Variants in CD58 observed in about 807,000 individuals in gnomAD.
The protein encoded by CD58 is CD58 molecule.
CD58 carries 14 observed loss-of-function variants against 27.6 expected under a neutral mutation model. That is an observed-to-expected ratio of 0.51 (90% CI 0.34 to 0.79). The LOEUF (loss-of-function observed/expected upper bound fraction) is 0.79, where lower values mean the gene tolerates loss of function less well. CD58 is among the 30% of genes least tolerant of loss of function. CD58 has a pLI of 0.02. For missense variants in CD58, 268 were observed against 301.7 expected (o/e 0.89, Z 0.83); for synonymous variants, 117 against 103.8 (o/e 1.13, Z -0.77).
In CD58 at chr1:116,552,720, C is replaced by A. The variant is rs777765358; in HGVS notation, c.71-8116G>T. 6.6e-5 allele frequency among the ~76,000 whole-genome samples: 10 copies of A among 152,192 alleles called. No individual in the cohort carries two copies. Among genetic ancestry groups the A allele is most frequent in the Non-Finnish European group, 8.8e-5 (6 of 68,044 alleles). ...AGAGCATGAGGGAACCATAATTAAT[C>A]TGCCATCCACCACTGATGAACACTC... is the stretch of plus-strand genomic sequence containing the variant. On this transcript the variant is annotated intron_variant, in intron 1 of 5. Transcript: ENST00000369489. The surrounding 1 kb of genome is among the most constrained non-coding windows in gnomAD (Gnocchi z 4.5).
rs1659123487 is a variant in CD58 at position 116,570,952 on chromosome 1, C to T, written c.21G>A (p.Ala7=). 6 of 1,563,938 alleles carry T rather than the reference C, an allele frequency of 3.8e-6. No homozygotes were observed. The highest frequency in any genetic ancestry group is 1.4e-5 in the African/African-American group (1 of 73,620). Residue 7 remains alanine, a synonymous_variant, in exon 1 of 6, where the codon GCG becomes GCA. Coordinates refer to ENST00000369489, the MANE Select transcript of CD58 (RefSeq NM_001779.3). This position sits in a 1 kb window ranked among gnomAD's most constrained non-coding sequence, Gnocchi z 6.4. ...CGCTGAGGACCCCCAGGGCCCGCCC[C>T]GCGTCGCTCCCAGCAACCATGGCTC... The part of the protein sequence containing the change: MVAGSD[A]GRALGVLSVV...
rs1244602371 is a variant in CD58 at position 116,516,951 on chromosome 1, T to C, written c.744-2129A>G. The stretch of plus-strand genomic sequence containing the variant: ...TCGCTGGGTACTCTGACCCCCACCC[T>C]ATCAGCTAGCACAGTGCCTGGTATC... On this transcript the variant is annotated intron_variant, in intron 5 of 5. Coordinates refer to ENST00000369489, the MANE Select transcript of CD58 (RefSeq NM_001779.3). This position sits in a 1 kb window ranked among gnomAD's most constrained non-coding sequence, Gnocchi z 6.1. Among the ~76,000 whole-genome samples, 1 of 152,160 alleles carries C rather than the reference T, an allele frequency of 6.6e-6. No individual in the cohort carries two copies. Among genetic ancestry groups the C allele is most frequent in the Non-Finnish European group, 1.5e-5 (1 of 68,018 alleles).
At chr1:116,556,361 T>TGATAAGTGACTTGCTA (rs1553205991) in intron 1 of CD58, among the ~76,000 whole-genome samples, 1 of 7,990 alleles carries the variant, frequency 1.3e-4, no homozygotes, top group African/African-American at 4.2e-4. Flanking sequence ...GGCACAACAA[T>TGATAAGTGACTTGCTA]GTTAAGTAAT....
chr1:116,533,759 C>G (rs1657696684), intron 3 of CD58: 3 of 710,270 alleles, frequency 4.2e-6, no homozygotes, highest in Non-Finnish European at 7.8e-6. Context: ...TCAACATCAC[C>G]GGTGATAAAT....
chr1:116,553,689 C>T (rs1207744842), intron 1 of CD58, among the ~76,000 whole-genome samples: 1 of 152,192 alleles, frequency 6.6e-6, no homozygotes. Context: ...TGCCCAGTAG[C>T]TGCTAAGTAC....
chr1:116,516,972 G>A lies in CD58; in HGVS notation c.744-2150C>T, dbSNP rs1476767239. Among the ~76,000 whole-genome samples the A allele has an allele frequency of 6.6e-6, 1 of 152,100 alleles. No individual in the cohort carries two copies. The highest frequency in any genetic ancestry group is 1.9e-4 in the East Asian group (1 of 5,188). On this transcript the variant is annotated intron_variant, in intron 5 of 5. Coordinates refer to ENST00000369489, the MANE Select transcript of CD58 (RefSeq NM_001779.3). This position sits in a 1 kb window ranked among gnomAD's most constrained non-coding sequence, Gnocchi z 6.1. ...ACCCTATCAGCTAGCACAGTGCCTG[G>A]TATCGCATAATCTCCATAACGTTTG...
Position 116,570,444 on chromosome 1 carries a change from G to C in CD58, c.70+459C>G, listed in dbSNP as rs968526981. 2.0e-5 allele frequency among the ~76,000 whole-genome samples: 3 copies of C among 152,040 alleles called. No homozygotes were observed. ...GATACGGCGGACGCCGCGCGGGCGG[G>C]GACGGCACCGCGCGGGGAGGGCAGC... On this transcript the variant is annotated intron_variant, in intron 1 of 5. Coordinates refer to ENST00000369489, the MANE Select transcript of CD58 (RefSeq NM_001779.3). This position sits in a 1 kb window ranked among gnomAD's most constrained non-coding sequence, Gnocchi z 6.4.
chr1:116,536,008 A>G lies in CD58; in HGVS notation c.585T>C (p.Asn195=). The G allele has an allele frequency of 1.2e-6, 2 of 1,612,856 alleles. No homozygotes were observed. The highest frequency in any genetic ancestry group is 1.7e-6 in the Non-Finnish European group (2 of 1,179,554). The change falls in exon 3 of 6, where the codon AAT becomes AAC. Residue 195 remains asparagine, a synonymous_variant. Transcript: ENST00000369489. The surrounding 1 kb of genome is among the most constrained non-coding windows in gnomAD (Gnocchi z 5.4). ...TTGTCAAAATGATTGATGATGTTGT[A>G]TTAAATAATGGATTGCTAAGAGTAC... ...IQCTLSNPLF[N]TTSSIILTTC...
intron 1 of CD58, among the ~76,000 whole-genome samples, chr1:116,547,323 CTTT>C (rs199788173): frequency 1.5e-5 from 2 of 136,838 alleles, no homozygotes; most frequent in African/African-American, 5.3e-5. Context: ...TTATTTTGTT[CTTT>C]TTTTTTTTTT....
At chr1:116,544,099 C>G (rs578228443) in intron 2 of CD58, among the ~76,000 whole-genome samples, 1 of 152,142 alleles carries the variant, frequency 6.6e-6, no homozygotes, top group Non-Finnish European at 1.5e-5. Flanking sequence ...TGATACTGTT[C>G]TCCCCACCTT....
Position 116,541,740 on chromosome 1 carries a change from G to A in CD58, c.364+2571C>T, listed in dbSNP as rs967946505. On this transcript the variant is annotated intron_variant, in intron 2 of 5. Transcript: ENST00000369489. This position sits in a 1 kb window ranked among gnomAD's most constrained non-coding sequence, Gnocchi z 5.3. ...AGATGTCTGACTGGAGAGGTACACT[G>A]GGCAGTCAGGTATACACATAAGGAG... is the stretch of plus-strand genomic sequence containing the variant. Among the ~76,000 whole-genome samples the A allele has an allele frequency of 9.9e-5, 15 of 152,276 alleles. No homozygotes were observed. The highest frequency in any genetic ancestry group is 3.6e-4 in the African/African-American group (15 of 41,546).
At chr1:116,548,364 C>CT (rs60699375) in intron 1 of CD58, among the ~76,000 whole-genome samples, 152,324 of 152,324 alleles carry the variant, frequency 1, 76,162 homozygotes, top group Non-Finnish European at 1. Context: ...TGGTCATGAC[C>CT]TTTTGCCTAA....
chr1:116,533,458 G>T (rs1131082), intron 3 of CD58: 11 of 747,742 alleles, frequency 1.5e-5, no homozygotes, highest in Non-Finnish European at 2.5e-5. Flanking sequence ...TCATTGGGTT[G>T]AAAGTGGAAC....
At chr1:116,560,640 T>C (rs1168649084) in intron 1 of CD58, among the ~76,000 whole-genome samples, 1 of 152,212 alleles carries the variant, frequency 6.6e-6, no homozygotes, top group African/African-American at 2.4e-5. Context: ...GTCAGCCCAG[T>C]GGAAATTCAG....
At chr1:116,565,910 G>C (rs539743592) in intron 1 of CD58, among the ~76,000 whole-genome samples, 1 of 152,014 alleles carries the variant, frequency 6.6e-6, no homozygotes, top group South Asian at 2.1e-4. Flanking sequence ...GTAGAGACAG[G>C]GTTTCACTGC....
intron 1 of CD58, among the ~76,000 whole-genome samples, chr1:116,567,808 G>C (rs1029798166): frequency 2.0e-5 from 3 of 151,998 alleles, no homozygotes; most frequent in African/African-American, 7.3e-5. Context: ...CTCTACAATG[G>C]AGAAATCTGG....
rs2101149040 is a variant in CD58, at chr1:116,515,663, T to C, written c.744-841A>G. Among the ~76,000 whole-genome samples the C allele has an allele frequency of 6.6e-6, 1 of 152,288 alleles. No individual in the cohort carries two copies. The highest frequency in any genetic ancestry group is 3.4e-3 in the Middle Eastern group (1 of 294). On this transcript the variant is annotated intron_variant, in intron 5 of 5. Transcript: ENST00000369489. This position sits in a 1 kb window ranked among gnomAD's most constrained non-coding sequence, Gnocchi z 4.6. ...CAGTCTCCTCACCCACTACAAGGAA[T>C]CAAGCCTGCTTCTCCAGCTTGGCTC...
In CD58 at chr1:116,521,476, T is replaced by G. The variant is rs146471876; in HGVS notation, c.706+430A>C. On this transcript the variant is annotated intron_variant, in intron 4 of 5. Coordinates refer to ENST00000369489, the MANE Select transcript of CD58 (RefSeq NM_001779.3). The surrounding 1 kb of genome is among the most constrained non-coding windows in gnomAD (Gnocchi z 5.6). Reference sequence around the variant, plus strand: ...AGGAAGTAATACAAGCACAATTACTTGTATTACGTAAGTCACTTAACTCAA... The same window carrying G: ...AGGAAGTAATACAAGCACAATTACTGGTATTACGTAAGTCACTTAACTCAA... Among the ~76,000 whole-genome samples, 275 of 152,318 alleles carry G rather than the reference T, an allele frequency of 1.8e-3. 3 individuals are homozygous for G. The highest frequency in any genetic ancestry group is 6.2e-3 in the African/African-American group (256 of 41,560).
At chr1:116,551,392 T>C (rs1471126398) in intron 1 of CD58, among the ~76,000 whole-genome samples, 2 of 152,264 alleles carry the variant, frequency 1.3e-5, no homozygotes, top group East Asian at 1.9e-4. Flanking sequence ...GTTATGGAGA[T>C]GGCTTTCTTC....
Sources: allele counts gnomAD v4.1 joint callset (sites outside exome capture counted in the v4.1 genomes callset), GRCh38; gene constraint gnomAD v4.1.1; non-coding constraint Gnocchi (gnomAD v3.1); transcripts MANE v1.5; gene names NCBI Gene and HGNC (gene_info 2026-07-23, HGNC 2026-07-21).